SORCS2: variants seen among roughly 807,000 people sequenced by gnomAD.
The protein encoded by SORCS2 is VPS10 domain-containing receptor SorCS2.
In SORCS2, 100 loss-of-function variants were observed where a neutral mutation model predicts 141.6. The ratio of observed to expected loss-of-function variants is 0.71; its 90% confidence interval spans 0.60 to 0.83. SORCS2 has a LOEUF of 0.83. SORCS2 is among the 40% of genes least tolerant of loss of function. The probability of loss-of-function intolerance (pLI) is 0.00; values close to 1 mark genes in which losing one functional copy is unlikely to be tolerated. For missense variants in SORCS2, 1,646 were observed against 1,560.2 expected (o/e 1.05, Z -0.93); for synonymous variants, 789 against 676.9 (o/e 1.17, Z -2.57).
At chr4:7,372,748 A>C (rs1264176343) in intron 1 of SORCS2, among the ~76,000 whole-genome samples, 8 of 148,978 alleles carry the variant, frequency 5.4e-5, no homozygotes, top group African/African-American at 1.7e-4. Flanking sequence ...CAACGCCCCC[A>C]CCCCCAAGCC....
intron 3 of SORCS2, among the ~76,000 whole-genome samples, chr4:7,610,870 G>T (rs1718362605): frequency 6.6e-6 from 1 of 152,196 alleles, no homozygotes; most frequent in South Asian, 2.1e-4. Context: ...GGAAGGCAAG[G>T]AGGATTTCCA....
Position 7,561,523 on chromosome 4 carries a change from CCCATCCATCCATGTAT to C in SORCS2, c.648+29899_648+29914del, listed in dbSNP as rs962770871. On this transcript the variant is annotated intron_variant, in intron 3 of 26. Transcript: ENST00000507866. The stretch of plus-strand genomic sequence containing the variant: ...ATTCATCCATCTATCCATCCATCTA[CCCATCCATCCATGTAT>C]CCATTCATGCATCTACCTATTCATC... 4.6e-4 allele frequency among the ~76,000 whole-genome samples: 69 copies of C among 150,086 alleles called. No homozygotes were observed. The East Asian group carries it at 0.011, about 25-fold the overall frequency.
chr4:7,619,566 G>T (rs1051150741), intron 3 of SORCS2, among the ~76,000 whole-genome samples: 2 of 152,222 alleles, frequency 1.3e-5, no homozygotes, highest in African/African-American at 4.8e-5. Context: ...TAGGCAGGCA[G>T]GGGTCCCAGC....
intron 1 of SORCS2, among the ~76,000 whole-genome samples, chr4:7,287,590 G>A (rs932263817): frequency 1.3e-5 from 2 of 152,256 alleles, no homozygotes; most frequent in Non-Finnish European, 2.9e-5. Context: ...GCTTTGTGCC[G>A]CCCTCGGGAG....
At chr4:7,629,247 A>G (rs967897401) in intron 3 of SORCS2, among the ~76,000 whole-genome samples, 6 of 152,180 alleles carry the variant, frequency 3.9e-5, no homozygotes, top group African/African-American at 1.2e-4. Context: ...TTGGTCCATT[A>G]GAAGTGATAT....
At chr4:7,463,158 C>T (rs1729413671) in intron 2 of SORCS2, among the ~76,000 whole-genome samples, 3 of 152,138 alleles carry the variant, frequency 2.0e-5, no homozygotes, top group Non-Finnish European at 1.5e-5. Context: ...GGGAGCCTGG[C>T]CCCGAAGCCT....
At chr4:7,581,342 AAAT>A (rs1165599596) in intron 3 of SORCS2, among the ~76,000 whole-genome samples, 2 of 152,168 alleles carry the variant, frequency 1.3e-5, no homozygotes, top group African/African-American at 2.4e-5. Context: ...ATACTAAGAT[AAAT>A]AATAATAATA....
intron 5 of SORCS2, among the ~76,000 whole-genome samples, 178 bp from the exon 6 acceptor site, chr4:7,661,322 A>G (rs754030195): frequency 1.4e-5 from 2 of 141,136 alleles, no homozygotes; most frequent in Non-Finnish European, 3.1e-5. Flanking sequence ...GAAAACGCAG[A>G]GACTCCAAGC....
chr4:7,661,097 C>T (rs1310627105), intron 5 of SORCS2, among the ~76,000 whole-genome samples: 1 of 152,186 alleles, frequency 6.6e-6, no homozygotes, highest in African/African-American at 2.4e-5. Context: ...TGCCTGCCTC[C>T]TGTAGTCATT....
intron 1 of SORCS2, among the ~76,000 whole-genome samples, chr4:7,367,045 G>A (rs1285478070): frequency 6.6e-6 from 1 of 152,232 alleles, no homozygotes; most frequent in Non-Finnish European, 1.5e-5. Flanking sequence ...AAGACACCAA[G>A]CAGTGGTGGA....
chr4:7,628,521 A>G (rs1328485229), intron 3 of SORCS2, among the ~76,000 whole-genome samples: 1 of 149,048 alleles, frequency 6.7e-6, no homozygotes, highest in African/African-American at 2.5e-5. Context: ...TCCGTCTCGA[A>G]AAAAAAAAAA....
chr4:7,582,578 T>C (rs1419010078), intron 3 of SORCS2, among the ~76,000 whole-genome samples: 1 of 152,130 alleles, frequency 6.6e-6, no homozygotes, highest in African/African-American at 2.4e-5. Context: ...GTTTCATATG[T>C]AGCAGAGCAG....
In SORCS2 at chr4:7,733,472, C is replaced by A. The variant is rs1052853078; in HGVS notation, c.3208+51C>A. 4.9e-6 allele frequency: 7 copies of A among 1,432,332 alleles called. No homozygotes were observed. The Admixed American group carries it at 8.6e-5, about 18-fold the overall frequency. The allele number at this position is 1,432,332 out of a possible 1,614,324, so 88.7% of individuals were successfully genotyped here. ...GAATGGGTGGAGGAGGCATCCGGGC[C>A]CTGGAGAAGCCATGTCCCTGCAGGG... On this transcript the variant is annotated intron_variant, in intron 24 of 26. Transcript: ENST00000507866.
At chr4:7,357,499 TAA>T (rs769239449) in intron 1 of SORCS2, among the ~76,000 whole-genome samples, 1 of 152,228 alleles carries the variant, frequency 6.6e-6, no homozygotes, top group Non-Finnish European at 1.5e-5. Context: ...GCTAATGGAC[TAA>T]GTTTCCGGAG....
intron 2 of SORCS2, among the ~76,000 whole-genome samples, chr4:7,417,992 G>A (rs1381165891): frequency 6.6e-6 from 1 of 152,148 alleles, no homozygotes; most frequent in Non-Finnish European, 1.5e-5. Flanking sequence ...CATGGCTGGT[G>A]TCTGGCTCAT....
At chr4:7,511,367 G>A (rs1310758134) in intron 2 of SORCS2, among the ~76,000 whole-genome samples, 1 of 99,942 alleles carries the variant, frequency 1.0e-5, no homozygotes, top group Non-Finnish European at 2.5e-5. Context: ...GAGAGAGAGT[G>A]AGAGGTACAC....
At chr4:7,596,313 T>C (rs1717274031) in intron 3 of SORCS2, among the ~76,000 whole-genome samples, 1 of 152,160 alleles carries the variant, frequency 6.6e-6, no homozygotes, top group South Asian at 2.1e-4. Context: ...GGTTAGCGGC[T>C]CCCCTCTGCA....
At chr4:7,306,277 G>A (rs977443327) in intron 1 of SORCS2, among the ~76,000 whole-genome samples, 3 of 152,166 alleles carry the variant, frequency 2.0e-5, no homozygotes, top group Non-Finnish European at 4.4e-5. Flanking sequence ...CTGGGGCAGT[G>A]GGCTCCGGGG....
chr4:7,461,232 C>T (rs948439475), intron 2 of SORCS2, among the ~76,000 whole-genome samples: 1 of 152,244 alleles, frequency 6.6e-6, no homozygotes, highest in African/African-American at 2.4e-5. Context: ...TTCCCTCTGC[C>T]GTCACAGGAC....
Sources: gnomAD v4.1 joint callset for allele counts (sites outside exome capture counted in the v4.1 genomes callset) on GRCh38, gnomAD v4.1.1 for gene constraint, MANE v1.5 for transcripts, NCBI Gene and HGNC (gene_info 2026-07-23, HGNC 2026-07-21) for gene names.